The following ACCS variants were observed in gnomAD, a reference collection of about 807,000 sequenced individuals.
ACCS encodes the protein 1-aminocyclopropane-1-carboxylate synthase homolog (inactive), also known as 1-aminocyclopropane-1-carboxylate synthase-like protein 1.
In ACCS, 42 loss-of-function variants were observed where a neutral mutation model predicts 59.8. The ratio of observed to expected loss-of-function variants is 0.70; its 90% CI spans 0.55 to 0.91. The LOEUF is 0.91. ACCS is among the 40% of genes least tolerant of loss of function. The probability of loss-of-function intolerance (pLI) is 0.00; values close to 1 mark genes in which losing one functional copy is unlikely to be tolerated. For missense variants in ACCS, 602 were observed against 630.4 expected (o/e 0.95, Z 0.48); for synonymous variants, 230 against 240.3 (o/e 0.96, Z 0.40).
At chr11:44,077,951 G>T in intron 8 of ACCS, 29 bp downstream of exon 8, 1 of 1,609,394 alleles carries the variant, frequency 6.2e-7, no homozygotes. Flanking sequence ...ACCTGAGGCT[G>T]GGTGTGGGTG....
intron 9 of ACCS, 44 bp from the exon 10 acceptor site, chr11:44,079,487 C>T (rs1209736398): frequency 6.5e-7 from 1 of 1,531,576 alleles, no homozygotes; most frequent in Admixed American, 1.8e-5. Context: ...GACGCATCTG[C>T]CCTACACACT....
At chr11:44,075,495 C>T (rs1322268062) in intron 5 of ACCS, 31 bp from the exon 6 acceptor site, 2 of 1,610,876 alleles carry the variant, frequency 1.2e-6, no homozygotes, top group African/African-American at 2.7e-5. Context: ...GGAACTGGTT[C>T]ATCTTCATCC....
chr11:44,069,612 C>G (rs564398100), intron 2 of ACCS, among the ~76,000 whole-genome samples: 1 of 152,324 alleles, frequency 6.6e-6, no homozygotes, highest in South Asian at 2.1e-4. Context: ...GAAAGGTTGA[C>G]TTGGGGCCAA....
At position 44,073,898 on chromosome 11, in the gene ACCS, C is replaced by T. The variant is rs564964347; in HGVS notation, c.419+381C>T. Among the ~76,000 whole-genome samples the T allele has an allele frequency of 7.0e-4, 107 of 152,256 alleles. 1 individual carries two copies. Among genetic ancestry groups the T allele is most frequent in the African/African-American group, 2.4e-3 (98 of 41,550 alleles). On this transcript the variant is annotated intron_variant, in intron 4 of 14. Coordinates refer to ENST00000263776, the MANE Select transcript of ACCS (RefSeq NM_032592.4). ...CTTTAGAGAAGCCAGAATTGCTGTTCGGGGAGCTGGCTGGGGCCTTTTCCT... is the reference window on the plus strand; with the variant it reads ...CTTTAGAGAAGCCAGAATTGCTGTTTGGGGAGCTGGCTGGGGCCTTTTCCT...
At chr11:44,071,390 G>A in intron 3 of ACCS, 75 bp downstream of exon 3, 2 of 1,548,592 alleles carry the variant, frequency 1.3e-6, no homozygotes, top group Non-Finnish European at 1.8e-6. Flanking sequence ...TTCCCAACAG[G>A]AGCCTGCTGC....
intron 2 of ACCS, among the ~76,000 whole-genome samples, chr11:44,070,114 G>T (rs148334301): frequency 6.6e-6 from 1 of 152,176 alleles, no homozygotes; most frequent in Non-Finnish European, 1.5e-5. Context: ...GGATGGGGTG[G>T]TGGAGGTGAT....
At chr11:44,076,042 G>A (rs770503149) in intron 6 of ACCS, among the ~76,000 whole-genome samples, 1 of 152,178 alleles carries the variant, frequency 6.6e-6, no homozygotes, top group Non-Finnish European at 1.5e-5. Flanking sequence ...GAAAACCAAG[G>A]TTGCCTTAAA....
At chr11:44,081,148 T>TGGC in intron 11 of ACCS, 31 bp from the exon 12 acceptor site, 2 of 1,614,184 alleles carry the variant, frequency 1.2e-6, no homozygotes, top group Middle Eastern at 3.3e-4. Context: ...CATGGAGGGC[T>TGGC]GGCCACCGCC....
Position 44,074,658 on chromosome 11 carries a change from C to A in ACCS, c.466C>A (p.Pro156Thr), listed in dbSNP as rs763693888. ...GTTCCTGTCTTTCTACTGCAAGAGCCCAGTACCCCTCAGACCAGAGAATGT... is the reference window on the plus strand; with the variant it reads ...GTTCCTGTCTTTCTACTGCAAGAGCACAGTACCCCTCAGACCAGAGAATGT... The part of the protein sequence containing the change: ...AKFLSFYCKS[P>T]VPLRPENVVV... Residue 156 changes from proline (P) to threonine (T), a missense_variant, in exon 5 of 15, where the codon CCA (proline) becomes ACA (threonine). Coordinates refer to ENST00000263776, the MANE Select transcript of ACCS (RefSeq NM_032592.4). The A allele has an allele frequency of 6.2e-7, 1 of 1,613,486 alleles. No individual in the cohort carries two copies. Among genetic ancestry groups the A allele is most frequent in the South Asian group, 1.1e-5 (1 of 90,948 alleles).
intron 2 of ACCS, among the ~76,000 whole-genome samples, chr11:44,068,186 G>A (rs1335192894): frequency 2.0e-5 from 3 of 152,148 alleles, no homozygotes; most frequent in Non-Finnish European, 4.4e-5. Context: ...ACGACCTGTC[G>A]ACTATCCAAC....
At position 44,067,621 on chromosome 11, in the gene ACCS, T is replaced by A. The variant is rs1952851352; in HGVS notation, c.1-7T>A. On this transcript the variant is annotated splice_region_variant and splice_polypyrimidine_tract_variant and intron_variant, in intron 1 of 14. Coordinates refer to ENST00000263776, the MANE Select transcript of ACCS (RefSeq NM_032592.4). Reference sequence around the variant, plus strand: ...TGAGCAGGCCTGTGCGTTTTGTCTTTTTGCAGATGTTCACCCTTCCTCAAA... The same window carrying A: ...TGAGCAGGCCTGTGCGTTTTGTCTTATTGCAGATGTTCACCCTTCCTCAAA... 2 of 1,596,356 alleles carry A rather than the reference T, an allele frequency of 1.3e-6. No individual in the cohort carries two copies. Among genetic ancestry groups the A allele is most frequent in the Admixed American group, 3.5e-5 (2 of 57,678 alleles).
intron 3 of ACCS, among the ~76,000 whole-genome samples, chr11:44,073,001 T>A (rs1953133880): frequency 6.6e-6 from 1 of 152,154 alleles, no homozygotes; most frequent in African/African-American, 2.4e-5. Flanking sequence ...TTTTTTAAAG[T>A]GTGAGGTTGA....
intron 13 of ACCS, 50 bp from the exon 14 acceptor site, chr11:44,083,374 C>T (rs748038763): frequency 2.5e-6 from 4 of 1,612,600 alleles, no homozygotes; most frequent in Non-Finnish European, 3.4e-6. Context: ...AGGTGAGGGG[C>T]AGTTGGTGAG....
intron 8 of ACCS, 36 bp from the exon 9 acceptor site, chr11:44,078,648 G>A (rs1445187650): frequency 6.2e-7 from 1 of 1,602,734 alleles, no homozygotes; most frequent in Non-Finnish European, 8.5e-7. Flanking sequence ...CCTTGGGGAA[G>A]AGCTGAGGGT....
Position 44,080,870 on chromosome 11 carries a change from A to G in ACCS, c.924-150A>G, listed in dbSNP as rs972479833. 66 of 912,062 alleles carry G rather than the reference A, an allele frequency of 7.2e-5. No homozygotes were observed. In the African/African-American group the frequency reaches 1.0e-3, roughly 14 times the overall value. The allele number at this position is 912,062 out of a possible 1,614,324, so 56.5% of individuals were successfully genotyped here. A position where few individuals can be genotyped will look rare whatever the true frequency, so the allele number is the denominator to read the frequency against. ...TGCTAACCCCTGCTCTAAAGGATGC[A>G]TGGGAATGGGTGGTTCAAAGACATG... On this transcript the variant is annotated intron_variant, in intron 10 of 14. Coordinates refer to ENST00000263776, the MANE Select transcript of ACCS (RefSeq NM_032592.4).
chr11:44,078,071 T>C, intron 8 of ACCS, 149 bp downstream of exon 8: 1 of 1,071,032 alleles, frequency 9.3e-7, no homozygotes, highest in South Asian at 1.8e-5. Context: ...AGAATTATTC[T>C]GGGAGTCAGG....
chr11:44,075,995 GC>G (rs1953344341), intron 6 of ACCS: 1 of 168,204 alleles, frequency 5.9e-6, no homozygotes, highest in South Asian at 1.9e-4. Context: ...GGACTCATAT[GC>G]CTGTTTCCAA....
At chr11:44,076,003 C>T (rs1260845883) in intron 6 of ACCS, 1 of 165,784 alleles carries the variant, frequency 6.0e-6, no homozygotes, top group African/African-American at 2.4e-5. Context: ...ATGCCTGTTT[C>T]CAAAATGGTC....
At chr11:44,081,456 T>A (rs896830970) in intron 12 of ACCS, 136 bp downstream of exon 12, 1 of 1,383,354 alleles carries the variant, frequency 7.2e-7, no homozygotes, top group African/African-American at 1.4e-5. Flanking sequence ...GAGCCCCGAC[T>A]GGGTCCATAC....
Sources: allele counts gnomAD v4.1 joint callset (sites outside exome capture counted in the v4.1 genomes callset), GRCh38; gene constraint gnomAD v4.1.1; transcripts MANE v1.5; gene names NCBI Gene and HGNC (gene_info 2026-07-23, HGNC 2026-07-21).